Variants in INPP5A observed in about 807,000 individuals in gnomAD.
INPP5A encodes the protein inositol polyphosphate-5-phosphatase A, also known as 43 kDa inositol polyphosphate 5-phophatase.
A neutral mutation model predicts 65.2 loss-of-function variants in INPP5A; 14 were observed. The observed-to-expected ratio is 0.21, with a 90% CI of 0.14 to 0.34. INPP5A has a LOEUF of 0.34. Ranked by LOEUF, INPP5A falls within the 10% of genes least tolerant of loss-of-function variation. The pLI, the probability that INPP5A is intolerant of heterozygous loss-of-function variation, is 1.00. For synonymous variants in INPP5A, 207 were observed against 208.3 expected (o/e 0.99, Z 0.05); for missense variants, 431 against 545.6 (o/e 0.79, Z 2.09).
chr10:132,684,566 C>T (rs987630798), intron 4 of INPP5A, among the ~76,000 whole-genome samples: 8 of 152,182 alleles, frequency 5.3e-5, no homozygotes, highest in Non-Finnish European at 1.0e-4. Flanking sequence ...TGTGGTGTGT[C>T]CCTGTGGCTC....
chr10:132,613,947 A>G (rs1260595646), intron 2 of INPP5A, among the ~76,000 whole-genome samples: 1 of 152,236 alleles, frequency 6.6e-6, no homozygotes, highest in Non-Finnish European at 1.5e-5. Flanking sequence ...AGTGGCTTTT[A>G]TATAGGGAAG....
chr10:132,718,847 G>A (rs1036776478), intron 8 of INPP5A, among the ~76,000 whole-genome samples: 1 of 149,518 alleles, frequency 6.7e-6, no homozygotes, highest in Non-Finnish European at 1.5e-5. Context: ...GTTCTGTCTG[G>A]GCACCTTAGA....
At chr10:132,738,500 C>T (rs966214377) in intron 9 of INPP5A, among the ~76,000 whole-genome samples, 1 of 152,168 alleles carries the variant, frequency 6.6e-6, no homozygotes. Flanking sequence ...GTGCTTCTGC[C>T]GCCGGGCAGG....
At chr10:132,738,050 A>G (rs947800405) in intron 9 of INPP5A, among the ~76,000 whole-genome samples, 3 of 152,228 alleles carry the variant, frequency 2.0e-5, no homozygotes, top group East Asian at 1.9e-4. Context: ...TCTCTGGTCT[A>G]TGCTGGGACT....
chr10:132,567,442 A>G (rs2071286279), intron 1 of INPP5A, among the ~76,000 whole-genome samples: 1 of 152,220 alleles, frequency 6.6e-6, no homozygotes, highest in Non-Finnish European at 1.5e-5. Flanking sequence ...TGCTGGGCGC[A>G]GCCCCTTGGG....
chr10:132,599,077 C>T (rs937993480), intron 1 of INPP5A, among the ~76,000 whole-genome samples: 6 of 152,180 alleles, frequency 3.9e-5, no homozygotes, highest in African/African-American at 1.2e-4. Flanking sequence ...CCATCCCTGG[C>T]CCCTCCAAAC....
chr10:132,556,784 T>G (rs986592959), intron 1 of INPP5A, among the ~76,000 whole-genome samples: 2 of 152,090 alleles, frequency 1.3e-5, no homozygotes, highest in Non-Finnish European at 2.9e-5. Context: ...GGATTTTTTT[T>G]TTTGGTTTTC....
At chr10:132,552,498 A>G (rs1312515652) in intron 1 of INPP5A, among the ~76,000 whole-genome samples, 11 of 110,680 alleles carry the variant, frequency 9.9e-5, no homozygotes, top group East Asian at 6.7e-4. Context: ...TGGCATATTG[A>G]GTGGGATAGG....
chr10:132,768,352 C>T (rs1316687636), intron 12 of INPP5A, among the ~76,000 whole-genome samples: 7 of 146,412 alleles, frequency 4.8e-5, no homozygotes, highest in Admixed American at 1.4e-4. Context: ...CCATGGACCC[C>T]GACCCTCAGC....
intron 2 of INPP5A, among the ~76,000 whole-genome samples, chr10:132,610,096 C>T (rs1475385194): frequency 5.3e-5 from 8 of 152,220 alleles, no homozygotes; most frequent in South Asian, 2.1e-4. Flanking sequence ...GCAGCCATGG[C>T]GGACACCGAG....
intron 1 of INPP5A, among the ~76,000 whole-genome samples, chr10:132,552,804 T>C (rs1289200176): frequency 1.4e-5 from 2 of 145,050 alleles, no homozygotes; most frequent in East Asian, 4.3e-4. Flanking sequence ...GAGGGAGGAC[T>C]GGTGAACGCC....
chr10:132,776,008 A>G (rs1282997792), intron 12 of INPP5A, among the ~76,000 whole-genome samples: 2 of 150,784 alleles, frequency 1.3e-5, no homozygotes, highest in Non-Finnish European at 3.0e-5. Context: ...ACATGTGTCC[A>G]GGGGCAGTGG....
intron 1 of INPP5A, among the ~76,000 whole-genome samples, chr10:132,542,545 CG>C (rs1470494492): frequency 1.3e-5 from 2 of 152,220 alleles, no homozygotes; most frequent in African/African-American, 4.8e-5. Context: ...CCAGCCACTG[CG>C]GGGCATCCTG....
At chr10:132,649,799 A>G (rs147758486) in intron 3 of INPP5A, among the ~76,000 whole-genome samples, 2 of 152,260 alleles carry the variant, frequency 1.3e-5, no homozygotes, top group Non-Finnish European at 2.9e-5. Context: ...CTGTGCAGCC[A>G]TGCTTTGCGG....
chr10:132,645,834 C>T (rs779488717), intron 2 of INPP5A, 34 bp from the exon 3 acceptor site: 31 of 1,545,398 alleles, frequency 2.0e-5, no homozygotes, highest in Middle Eastern at 1.8e-4. Context: ...TGGACGGCTC[C>T]GACGACCCTG....
At chr10:132,668,196 T>C (rs946887179) in intron 4 of INPP5A, among the ~76,000 whole-genome samples, 7 of 152,178 alleles carry the variant, frequency 4.6e-5, no homozygotes, top group Admixed American at 2.0e-4. Context: ...CACTTGACTT[T>C]TGAAAATTCC....
chr10:132,778,685 G>A (rs879572687), intron 13 of INPP5A, among the ~76,000 whole-genome samples: 1 of 152,190 alleles, frequency 6.6e-6, no homozygotes, highest in Non-Finnish European at 1.5e-5. Context: ...GACTCTGGTG[G>A]TTCCACTGCC....
At chr10:132,744,966 C>T (rs1465780047) in intron 9 of INPP5A, among the ~76,000 whole-genome samples, 1 of 152,196 alleles carries the variant, frequency 6.6e-6, no homozygotes, top group African/African-American at 2.4e-5. Flanking sequence ...GGTGCAGCCC[C>T]TGGCAGCTTG....
At chr10:132,718,022 T>A (rs1319297080) in intron 8 of INPP5A, among the ~76,000 whole-genome samples, 1 of 146,792 alleles carries the variant, frequency 6.8e-6, no homozygotes, top group African/African-American at 2.5e-5. Context: ...GTACCTGAGT[T>A]CTGTCTGGGC....
Sources: gnomAD v4.1 joint callset for allele counts (sites outside exome capture counted in the v4.1 genomes callset) on GRCh38, gnomAD v4.1.1 for gene constraint, MANE v1.5 for transcripts, NCBI Gene and HGNC (gene_info 2026-07-23, HGNC 2026-07-21) for gene names.